The following NTRK3 variants were observed in gnomAD, a reference collection of about 807,000 sequenced individuals.
NTRK3 encodes the protein NT-3 growth factor receptor.
NTRK3 carries 24 observed loss-of-function variants against 91.7 expected under a neutral mutation model. The observed-to-expected ratio is 0.26, with a 90% CI of 0.19 to 0.37. The LOEUF is 0.37. NTRK3 is among the 10% of genes least tolerant of loss of function. The probability of loss-of-function intolerance (pLI) is 1.00; values close to 1 mark genes in which losing one functional copy is unlikely to be tolerated. For synonymous variants in NTRK3, 483 were observed against 404.0 expected (o/e 1.20, Z -2.34); for missense variants, 880 against 1,068.9 (o/e 0.82, Z 2.46).
chr15:87,881,837 AC>A (rs2065273633), intron 17 of NTRK3, among the ~76,000 whole-genome samples: 1 of 152,174 alleles, frequency 6.6e-6, no homozygotes. Context: ...GTTTGCCTTA[AC>A]CACTTGAAGA....
chr15:88,143,027 T>C lies in NTRK3; in HGVS notation c.464+4308A>G, dbSNP rs377318292. ...GCCAGGAGTTCGAGACCAGCTTAGC[T>C]AGCATGGTGAAACCCCATCTCTACT... On this transcript the variant is annotated intron_variant, in intron 6 of 18. Transcript: ENST00000394480. Among the ~76,000 whole-genome samples the C allele has an allele frequency of 5.3e-5, 8 of 151,570 alleles. No homozygotes were observed. The East Asian group carries it at 9.7e-4, about 18-fold the overall frequency.
chr15:88,090,965 T>C (rs1483105260), intron 13 of NTRK3, among the ~76,000 whole-genome samples: 1 of 152,144 alleles, frequency 6.6e-6, no homozygotes, highest in African/African-American at 2.4e-5. Flanking sequence ...GACTCTCACC[T>C]TCAAAAAAAA....
At chr15:88,163,142 T>C (rs74027784) in intron 5 of NTRK3, among the ~76,000 whole-genome samples, 238 of 152,024 alleles carry the variant, frequency 1.6e-3, no homozygotes, top group African/African-American at 5.5e-3. Context: ...TCCTCCAGGC[T>C]CCCAACTCAT....
intron 17 of NTRK3, among the ~76,000 whole-genome samples, chr15:87,912,607 C>A (rs1384870125): frequency 6.6e-6 from 1 of 151,136 alleles, no homozygotes; most frequent in Admixed American, 6.6e-5. Context: ...GGTGTGTGAT[C>A]TTGAGGGACA....
At chr15:88,024,940 G>A (rs2077902880) in intron 14 of NTRK3, among the ~76,000 whole-genome samples, 2 of 152,192 alleles carry the variant, frequency 1.3e-5, no homozygotes, top group Admixed American at 6.5e-5. Flanking sequence ...AGTGAAGTAT[G>A]CTCACTATTA....
intron 13 of NTRK3, among the ~76,000 whole-genome samples, chr15:88,083,794 G>C (rs1216309902): frequency 1.3e-5 from 2 of 152,170 alleles, no homozygotes; most frequent in Non-Finnish European, 2.9e-5. Flanking sequence ...CTTTAGGCTT[G>C]AGGAGTAAAC....
intron 13 of NTRK3, among the ~76,000 whole-genome samples, chr15:88,062,494 T>C (rs2046306925): frequency 6.6e-6 from 1 of 152,192 alleles, no homozygotes; most frequent in Admixed American, 6.5e-5. Context: ...AGTAGGCCTA[T>C]CTCTGCCCTC....
chr15:88,094,418 G>A (rs568729345), intron 13 of NTRK3, among the ~76,000 whole-genome samples: 27 of 143,532 alleles, frequency 1.9e-4, no homozygotes, highest in South Asian at 8.8e-4. Context: ...GCAGTGAGCC[G>A]AGATTGCGCC....
chr15:88,086,469 G>A (rs979688886), intron 13 of NTRK3, among the ~76,000 whole-genome samples: 4 of 147,652 alleles, frequency 2.7e-5, no homozygotes, highest in African/African-American at 8.0e-5. Context: ...TAGATATATT[G>A]GGCTAAAATA....
intron 13 of NTRK3, among the ~76,000 whole-genome samples, chr15:88,035,178 G>A (rs559901386): frequency 2.0e-5 from 3 of 152,300 alleles, no homozygotes; most frequent in African/African-American, 7.2e-5. Flanking sequence ...AGGACTGCAG[G>A]GGGAATATTT....
chr15:87,868,206 C>T (rs2141397274), exon 19 of NTRK3: 1 of 230,362 alleles, frequency 4.3e-6, no homozygotes. Context: ...AGTATCATAA[C>T]ATAAATAATT....
At chr15:87,868,804 G>A (rs1278073557) in exon 19 of NTRK3, 2 of 223,848 alleles carry the variant, frequency 8.9e-6, no homozygotes, top group Non-Finnish European at 8.9e-6. Context: ...TTAGAAAACA[G>A]CTACATCTTT....
At chr15:87,872,882 A>C in exon 19 of NTRK3, 1 of 233,100 alleles carries the variant, frequency 4.3e-6, no homozygotes, top group Non-Finnish European at 8.5e-6. Flanking sequence ...AAAAATATCT[A>C]TACAAACCTC....
At chr15:88,134,533 A>T (rs1253520750) in intron 10 of NTRK3, among the ~76,000 whole-genome samples, 1 of 152,190 alleles carries the variant, frequency 6.6e-6, no homozygotes, top group African/African-American at 2.4e-5. Flanking sequence ...CCTAGATCCA[A>T]GTCAAACCTT....
At chr15:88,132,633 A>G (rs2041474139) in intron 10 of NTRK3, among the ~76,000 whole-genome samples, 1 of 152,224 alleles carries the variant, frequency 6.6e-6, no homozygotes, top group South Asian at 2.1e-4. Flanking sequence ...TTTCACATCA[A>G]AAGAGAAGAG....
intron 3 of NTRK3, among the ~76,000 whole-genome samples, chr15:88,238,156 C>T (rs371229781): frequency 2.0e-5 from 3 of 152,142 alleles, no homozygotes; most frequent in Non-Finnish European, 2.9e-5. Context: ...ACCAACCCTG[C>T]CAACACCTTC....
intron 13 of NTRK3, among the ~76,000 whole-genome samples, chr15:88,064,734 A>C (rs950739917): frequency 3.3e-5 from 5 of 152,186 alleles, no homozygotes; most frequent in African/African-American, 1.2e-4. Flanking sequence ...CTTAGCTCAA[A>C]AGAGGTTATG....
At chr15:87,875,113 T>C (rs1400619791) in exon 19 of NTRK3, 3 of 230,572 alleles carry the variant, frequency 1.3e-5, no homozygotes. Context: ...GAGGCCCACA[T>C]TTCAGCTGCC....
At chr15:87,990,076 T>C (rs905242608) in intron 14 of NTRK3, among the ~76,000 whole-genome samples, 1 of 152,190 alleles carries the variant, frequency 6.6e-6, no homozygotes, top group African/African-American at 2.4e-5. Context: ...CCAAATCCTA[T>C]AATAATGACT....
Sources: allele counts gnomAD v4.1 joint callset (sites outside exome capture counted in the v4.1 genomes callset), GRCh38; gene constraint gnomAD v4.1.1; transcripts MANE v1.5; gene names NCBI Gene and HGNC (gene_info 2026-07-23, HGNC 2026-07-21).